RBFOX2: variants seen among roughly 807,000 people sequenced by gnomAD.
RBFOX2 encodes the protein RNA binding fox-1 homolog 2.
In RBFOX2, 10 loss-of-function variants were observed where a neutral mutation model predicts 49.1. The ratio of observed to expected loss-of-function variants is 0.20; its 90% CI spans 0.13 to 0.35. The LOEUF (loss-of-function observed/expected upper bound fraction) is 0.35, where lower values mean the gene tolerates loss of function less well. Among genes scored for constraint, RBFOX2 ranks in the 10% least tolerant of loss-of-function variants. The pLI, the probability that RBFOX2 is intolerant of heterozygous loss-of-function variation, is 1.00. For synonymous variants in RBFOX2, 183 were observed against 187.4 expected (o/e 0.98, Z 0.19); for missense variants, 323 against 486.9 (o/e 0.66, Z 3.17).
chr22:36,013,453 C>A (rs1010945531), intron 1 of RBFOX2, among the ~76,000 whole-genome samples: 2 of 152,064 alleles, frequency 1.3e-5, no homozygotes, highest in Non-Finnish European at 2.9e-5. Flanking sequence ...TACACTAATC[C>A]TATAACACAT....
chr22:35,839,156 A>G (rs1299101078), intron 1 of RBFOX2, among the ~76,000 whole-genome samples: 1 of 152,244 alleles, frequency 6.6e-6, no homozygotes, highest in African/African-American at 2.4e-5. Context: ...AAAGGATTTG[A>G]ATGTCCTACA....
intron 1 of RBFOX2, chr22:35,999,845 T>C (rs2058338012): frequency 6.6e-6 from 1 of 152,040 alleles, no homozygotes; most frequent in Non-Finnish European, 1.5e-5. Context: ...ACAGACGACA[T>C]GTATCCAAAG....
chr22:35,828,589 T>C (rs978150416), intron 1 of RBFOX2, among the ~76,000 whole-genome samples: 1 of 152,186 alleles, frequency 6.6e-6, no homozygotes, highest in African/African-American at 2.4e-5. Flanking sequence ...GGAACAGTAC[T>C]AGGAGCTCAC....
rs1359659617 is a variant in RBFOX2 at position 35,863,224 on chromosome 22, T to G, written c.-33-53220A>C. ...ATTTTTGCAAATATTTGTTATTTTG[T>G]AACATATTTATGTTATTTTTGTAAA... On this transcript the variant is annotated intron_variant, in intron 1 of 13. Coordinates refer to the RBFOX2 transcript ENST00000359369. 2.0e-5 allele frequency among the ~76,000 whole-genome samples: 3 copies of G among 152,318 alleles called. No individual in the cohort carries two copies. The South Asian group carries it at 6.2e-4, about 32-fold the overall frequency.
chr22:35,866,746 G>C (rs1306812851), intron 1 of RBFOX2, among the ~76,000 whole-genome samples: 1 of 152,090 alleles, frequency 6.6e-6, no homozygotes, highest in Non-Finnish European at 1.5e-5. Context: ...CTCAGCCAAA[G>C]AACAAGAAAA....
chr22:35,835,362 C>T (rs1414701450), intron 1 of RBFOX2, among the ~76,000 whole-genome samples: 1 of 152,112 alleles, frequency 6.6e-6, no homozygotes, highest in African/African-American at 2.4e-5. Context: ...CTACCATAAA[C>T]AGATGTCCAA....
At chr22:35,807,764 G>A (rs1951038199) in intron 2 of RBFOX2, among the ~76,000 whole-genome samples, 2 of 150,916 alleles carry the variant, frequency 1.3e-5, no homozygotes, top group African/African-American at 4.9e-5. Context: ...AAATAAAATA[G>A]AAAAACAACA....
chr22:35,744,114 C>T, exon 12 of RBFOX2: 2 of 1,146,402 alleles, frequency 1.7e-6, no homozygotes, highest in Non-Finnish European at 1.2e-6. Context: ...TCCTCTTCAT[C>T]TTGCTATAGA....
At chr22:35,771,649 A>G (rs908926792) in intron 4 of RBFOX2, among the ~76,000 whole-genome samples, 34 of 152,264 alleles carry the variant, frequency 2.2e-4, no homozygotes, top group Non-Finnish European at 3.8e-4. Context: ...TACTGTTCTT[A>G]AATACTTTTC....
At chr22:35,952,083 G>C (rs991362152) in intron 1 of RBFOX2, among the ~76,000 whole-genome samples, 1 of 152,052 alleles carries the variant, frequency 6.6e-6, no homozygotes, top group African/African-American at 2.4e-5. Context: ...GTGCTTATGT[G>C]AACAGCCCCC....
intron 1 of RBFOX2, among the ~76,000 whole-genome samples, chr22:35,833,281 G>A (rs575085142): frequency 6.6e-6 from 1 of 152,152 alleles, no homozygotes; most frequent in Non-Finnish European, 1.5e-5. Flanking sequence ...ACGTTCAGCA[G>A]TATCTTCAAA....
intron 1 of RBFOX2, among the ~76,000 whole-genome samples, chr22:35,820,137 G>A (rs1186988947): frequency 2.0e-5 from 3 of 152,128 alleles, no homozygotes; most frequent in East Asian, 3.9e-4. Context: ...TAGAAATCCT[G>A]TAAAGCTTAC....
intron 1 of RBFOX2, among the ~76,000 whole-genome samples, chr22:35,909,134 G>A (rs938600038): frequency 2.0e-5 from 3 of 152,112 alleles, no homozygotes; most frequent in Admixed American, 1.3e-4. Flanking sequence ...GAGCCACTGC[G>A]CCCAGCACAT....
intron 1 of RBFOX2, among the ~76,000 whole-genome samples, chr22:35,845,871 G>T (rs1285670237): frequency 6.6e-6 from 1 of 152,046 alleles, no homozygotes; most frequent in African/African-American, 2.4e-5. Context: ...AAACTTTGTT[G>T]TCTTGTTCAC....
intron 1 of RBFOX2, chr22:36,000,597 A>T (rs919655363): frequency 1.3e-5 from 2 of 151,648 alleles, no homozygotes; most frequent in Non-Finnish European, 1.5e-5. Flanking sequence ...ATGAAGAAAG[A>T]AAAAAAAAGA....
chr22:36,014,843 G>A (rs546957251), intron 1 of RBFOX2, among the ~76,000 whole-genome samples: 9 of 152,244 alleles, frequency 5.9e-5, no homozygotes, highest in Admixed American at 3.9e-4. Context: ...CCTGATAAGC[G>A]CCTCTCTGAA....
chr22:35,976,547 A>G (rs1007673891), intron 1 of RBFOX2, among the ~76,000 whole-genome samples: 15 of 152,256 alleles, frequency 9.9e-5, no homozygotes, highest in African/African-American at 3.6e-4. Flanking sequence ...ATTTTTATAT[A>G]TGAAACAAGC....
chr22:35,772,712 G>A (rs1168462341), intron 4 of RBFOX2, among the ~76,000 whole-genome samples: 2 of 152,136 alleles, frequency 1.3e-5, no homozygotes, highest in Non-Finnish European at 2.9e-5. Context: ...TTTATTAGGT[G>A]TATGGTTGTA....
At chr22:35,850,346 TC>T (rs1417865793) in intron 1 of RBFOX2, among the ~76,000 whole-genome samples, 3 of 151,942 alleles carry the variant, frequency 2.0e-5, no homozygotes, top group Non-Finnish European at 2.9e-5. Flanking sequence ...AGTAAGGGGA[TC>T]CCTTTCATGA....
Sources: allele counts gnomAD v4.1 joint callset (sites outside exome capture counted in the v4.1 genomes callset), GRCh38; gene constraint gnomAD v4.1.1; transcripts MANE v1.5; gene names NCBI Gene and HGNC (gene_info 2026-07-23, HGNC 2026-07-21).